MYO18B: variants seen among roughly 807,000 people sequenced by gnomAD.
MYO18B encodes the protein unconventional myosin-XVIIIb.
Under a neutral mutation model 273.0 loss-of-function variants are expected in MYO18B, and 204 were observed. The ratio of observed to expected loss-of-function variants is 0.75; its 90% CI spans 0.67 to 0.84. The LOEUF (loss-of-function observed/expected upper bound fraction) is 0.84. Among genes scored for constraint, MYO18B ranks in the 40% least tolerant of loss-of-function variants. MYO18B has a pLI of 0.00. For synonymous variants in MYO18B, 1,330 were observed against 1,305.7 expected, an observed-to-expected ratio of 1.02 and a Z score of -0.40; for missense variants, 3,212 against 3,287.6, an observed-to-expected ratio of 0.98 and a Z score of 0.56.
At chr22:25,937,855 G>A (rs1324263823) in intron 34 of MYO18B, among the ~76,000 whole-genome samples, 1 of 152,162 alleles carries the variant, frequency 6.6e-6, no homozygotes, top group Non-Finnish European at 1.5e-5. Flanking sequence ...AAAATGCTGG[G>A]ATTACAGGTG....
intron 35 of MYO18B, among the ~76,000 whole-genome samples, chr22:25,947,115 TCA>T (rs1017771871): frequency 2.8e-4 from 43 of 151,948 alleles, no homozygotes; most frequent in African/African-American, 9.4e-4. Flanking sequence ...CTACAAGCAT[TCA>T]CACACACACA....
At position 26,026,985 on chromosome 22, in the gene MYO18B, A is replaced by G. The variant is rs1049270912; in HGVS notation, c.7011A>G (p.Thr2337=). ...KCISSDGVGG[T]TLLPEKSKTQ... is the part of the protein sequence containing the mutation. Reference sequence around the variant, plus strand: ...TCTCTTCAGACGGTGTTGGGGGCACAACCCTACTCCCCGAAAAGTCGAAAA... The same window carrying G: ...TCTCTTCAGACGGTGTTGGGGGCACGACCCTACTCCCCGAAAAGTCGAAAA... The change falls in exon 43 of 44, where the codon ACA becomes ACG. Residue 2337 remains threonine (T), a synonymous_variant. Coordinates refer to ENST00000335473, the MANE Select transcript of MYO18B (RefSeq NM_032608.7). 6.2e-7 allele frequency: 1 copy of G among 1,613,786 alleles called. No homozygotes were observed. Among genetic ancestry groups the G allele is most frequent in the African/African-American group, 1.3e-5 (1 of 74,902 alleles).
At chr22:25,857,752 CA>C (rs1415920142) in intron 21 of MYO18B, among the ~76,000 whole-genome samples, 4 of 152,212 alleles carry the variant, frequency 2.6e-5, no homozygotes, top group African/African-American at 9.7e-5. Context: ...CTCCTGGGTT[CA>C]AGTGATTCTC....
chr22:25,813,205 A>C (rs1601773501), intron 12 of MYO18B, among the ~76,000 whole-genome samples: 1 of 116,930 alleles, frequency 8.6e-6, no homozygotes, highest in Non-Finnish European at 1.7e-5. Flanking sequence ...TTTTTTTGAG[A>C]CGGAGTTTCG....
chr22:25,956,212 C>CT lies in MYO18B; in HGVS notation c.6156+864dup, dbSNP rs60449297. Reference sequence around the variant, plus strand: ...TTGTCTCCAGGATGGACCGAGGAACCTTTTTTTTTTTTTTTTCCCTGGAGA... The same window carrying CT: ...TTGTCTCCAGGATGGACCGAGGAACCTTTTTTTTTTTTTTTTTCCCTGGAGA... On this transcript the variant is annotated intron_variant, in intron 39 of 43. Coordinates refer to ENST00000335473, the MANE Select transcript of MYO18B (RefSeq NM_032608.7). 6.3e-3 allele frequency among the ~76,000 whole-genome samples: 876 copies of CT among 139,262 alleles called. 7 individuals are homozygous for CT. Among genetic ancestry groups the CT allele is most frequent in the African/African-American group, 0.017 (640 of 38,114 alleles). The allele number at this position is 139,262 out of a possible 152,430, so 91.4% of individuals were successfully genotyped here. A position where few individuals can be genotyped will look rare whatever the true frequency, so the allele number is the denominator to read the frequency against.
rs1322995177 is a variant in MYO18B at position 25,843,718 on chromosome 22, A to G, written c.3209-17A>G. On this transcript the variant is annotated splice_polypyrimidine_tract_variant and intron_variant, in intron 17 of 43. Transcript: ENST00000335473. The stretch of plus-strand genomic sequence containing the variant: ...CTCAACAGGCTCCAGCACTCATGCC[A>G]CCATGTCTGTTTCCAGGGTCCTCTG... 1 of 1,609,006 alleles carries G rather than the reference A, an allele frequency of 6.2e-7. No individual in the cohort carries two copies. The highest frequency in any genetic ancestry group is 1.7e-5 in the Admixed American group (1 of 59,830).
At chr22:25,762,319 G>C (rs943037012) in intron 2 of MYO18B, among the ~76,000 whole-genome samples, 1 of 152,218 alleles carries the variant, frequency 6.6e-6, no homozygotes, top group African/African-American at 2.4e-5. Context: ...TATCAGTTGG[G>C]CTACACACAG....
intron 36 of MYO18B, among the ~76,000 whole-genome samples, chr22:25,948,432 TTCCTTCCTTCCTTCCTTCC>T (rs2092743120): frequency 1.9e-4 from 25 of 129,366 alleles, no homozygotes; most frequent in African/African-American, 8.3e-4. Flanking sequence ...CCTTCCTTCC[TTCCTTCCTTCCTTCCTTCC>T]TTCCTTCCTT....
rs1026587161 is a variant in MYO18B, at chr22:26,003,250, T to C, written c.6288-15T>C. On this transcript the variant is annotated splice_polypyrimidine_tract_variant and intron_variant, in intron 40 of 43. Coordinates refer to ENST00000335473, the MANE Select transcript of MYO18B (RefSeq NM_032608.7). Reference sequence around the variant, plus strand: ...AGCACGAGGATAACACACTCTTTCTTGTGCCTCTTACTAGTGTCCAGACGG... The same window carrying C: ...AGCACGAGGATAACACACTCTTTCTCGTGCCTCTTACTAGTGTCCAGACGG... 11 of 1,605,330 alleles carry C rather than the reference T, an allele frequency of 6.9e-6. No individual in the cohort carries two copies. Among genetic ancestry groups the C allele is most frequent in the Non-Finnish European group, 9.4e-6 (11 of 1,175,958 alleles).
intron 22 of MYO18B, among the ~76,000 whole-genome samples, chr22:25,870,610 G>T (rs1169385569): frequency 6.6e-6 from 1 of 152,160 alleles, no homozygotes; most frequent in Non-Finnish European, 1.5e-5. Flanking sequence ...GATCTTTACG[G>T]TCCTGAATCT....
chr22:25,887,863 G>A lies in MYO18B; in HGVS notation c.4315-2893G>A, dbSNP rs769744006. 3.3e-4 allele frequency among the ~76,000 whole-genome samples: 51 copies of A among 152,296 alleles called. No homozygotes were observed. In the Middle Eastern group the frequency reaches 0.01, roughly 30 times the overall value. On this transcript the variant is annotated intron_variant, in intron 25 of 43. Transcript: ENST00000335473. ...TCAAAATTAATGCATCAAATTAATT[G>A]TGTGGTCCCCTTGCTCAGGCCGGTT...
chr22:25,810,683 G>A (rs1323392147), intron 12 of MYO18B, among the ~76,000 whole-genome samples: 1 of 151,730 alleles, frequency 6.6e-6, no homozygotes, highest in Non-Finnish European at 1.5e-5. Context: ...TGATCATCCC[G>A]CCTCAGTCTC....
intron 31 of MYO18B, among the ~76,000 whole-genome samples, chr22:25,905,102 G>A (rs1047331753): frequency 2.0e-5 from 3 of 151,854 alleles, no homozygotes; most frequent in Non-Finnish European, 2.9e-5. Context: ...GTGACCAGGT[G>A]TCATGAATGT....
At chr22:25,844,320 C>T (rs945248420) in intron 18 of MYO18B, among the ~76,000 whole-genome samples, 11 of 152,270 alleles carry the variant, frequency 7.2e-5, no homozygotes, top group Middle Eastern at 3.4e-3. Context: ...GGCGTGAGGC[C>T]GGCAGCATTC....
intron 25 of MYO18B, among the ~76,000 whole-genome samples, chr22:25,889,177 AT>A (rs11302476): frequency 0.2 from 30,834 of 151,728 alleles, 3,712 homozygotes; most frequent in Admixed American, 0.35. Context: ...TTGGGGATAT[AT>A]TTTTTTTATG....
At chr22:25,920,629 G>A (rs1418923915) in intron 33 of MYO18B, among the ~76,000 whole-genome samples, 2 of 152,214 alleles carry the variant, frequency 1.3e-5, no homozygotes, top group African/African-American at 4.8e-5. Context: ...AACTGGAAAA[G>A]AGGACCAAAG....
At chr22:26,014,863 TA>T (rs1256359202) in intron 42 of MYO18B, among the ~76,000 whole-genome samples, 1 of 152,124 alleles carries the variant, frequency 6.6e-6, no homozygotes, top group African/African-American at 2.4e-5. Context: ...GCCTTCTTTT[TA>T]AAAGTGTCTG....
chr22:25,908,397 G>A lies in MYO18B; in HGVS notation c.5224G>A (p.Glu1742Lys). ...GAAGGACCGTGAGGACCAGGAGGAG[G>A]AACTGGAGGATGTCCGTCAGTCCTG... The part of the protein sequence containing the change: ...HQKDREDQEE[E>K]LEDVRQSCQK... Residue 1742 changes from glutamate to lysine, a missense_variant, in exon 32 of 44, where the codon GAA becomes AAA. Coordinates refer to ENST00000335473, the MANE Select transcript of MYO18B (RefSeq NM_032608.7). The A allele has an allele frequency of 3.7e-6, 6 of 1,600,586 alleles. No homozygotes were observed. The highest frequency in any genetic ancestry group is 5.1e-6 in the Non-Finnish European group (6 of 1,173,792).
rs149627931 is a variant in MYO18B at position 25,908,348 on chromosome 22, C to T, written c.5175C>T (p.Ile1725=). The T allele has an allele frequency of 3.9e-5, 63 of 1,595,672 alleles. No homozygotes were observed. Among genetic ancestry groups the T allele is most frequent in the East Asian group, 4.5e-5 (2 of 43,982 alleles). ...EQLRQRFELE[I]ERMKQMHQKD... ...TCCGCCAGCGGTTTGAGCTGGAGAT[C>T]GAGCGGATGAAGCAGATGCACCAGA... The change falls in exon 32 of 44, where the codon ATC becomes ATT. Residue 1725 remains isoleucine, a synonymous_variant. Transcript: ENST00000335473.
Sources: allele counts gnomAD v4.1 joint callset (sites outside exome capture counted in the v4.1 genomes callset), GRCh38; gene constraint gnomAD v4.1.1; transcripts MANE v1.5; gene names NCBI Gene and HGNC (gene_info 2026-07-23, HGNC 2026-07-21).